THOC5: variants seen among roughly 807,000 people sequenced by gnomAD.
The protein encoded by THOC5 is Fms-interacting protein.
A neutral mutation model predicts 92.9 loss-of-function variants in THOC5; 43 were observed. That is an observed-to-expected ratio of 0.46 (90% CI 0.36 to 0.60). The LOEUF is 0.60. Ranked by LOEUF, THOC5 falls within the 20% of genes least tolerant of loss-of-function variation. The pLI is 0.00. For synonymous variants in THOC5, 296 were observed against 320.1 expected (o/e 0.92, Z 0.80); for missense variants, 659 against 849.4 (o/e 0.78, Z 2.79).
At chr22:29,514,301 A>T in intron 17 of THOC5, among the ~76,000 whole-genome samples, 1 of 151,536 alleles carries the variant, frequency 6.6e-6, no homozygotes, top group Non-Finnish European at 1.5e-5. Flanking sequence ...GATCTGTTGT[A>T]GAATGACTGA....
chr22:29,540,644 C>T (rs2063862295), intron 5 of THOC5, among the ~76,000 whole-genome samples: 1 of 152,134 alleles, frequency 6.6e-6, no homozygotes, highest in Admixed American at 6.6e-5. Flanking sequence ...GATTACAGAC[C>T]AGTGCATCAC....
At chr22:29,524,421 C>A (rs189109377) in intron 12 of THOC5, among the ~76,000 whole-genome samples, 6 of 152,270 alleles carry the variant, frequency 3.9e-5, no homozygotes, top group Non-Finnish European at 7.4e-5. Flanking sequence ...AGCGAGGAAA[C>A]AGATTCTGAG....
At chr22:29,520,166 C>T in intron 13 of THOC5, 62 bp from the exon 14 acceptor site, 5 of 1,431,290 alleles carry the variant, frequency 3.5e-6, no homozygotes, top group East Asian at 2.3e-5. Context: ...TCCCAGGATA[C>T]AGCCTCCTCC....
chr22:29,542,977 G>C, intron 4 of THOC5, 21 bp from the exon 5 acceptor site: 1 of 1,580,452 alleles, frequency 6.3e-7, no homozygotes, highest in Non-Finnish European at 8.7e-7. Context: ...AATACGATCA[G>C]AAGTGAGCAG....
intron 2 of THOC5, chr22:29,545,034 A>T (rs1343879237): frequency 4.7e-6 from 2 of 427,068 alleles, no homozygotes; most frequent in African/African-American, 4.2e-5. Context: ...TGAAACTGGG[A>T]ACAAAAAGAG....
chr22:29,544,695 A>T (rs1416878350), intron 2 of THOC5, 92 bp from the exon 3 acceptor site: 11 of 1,307,358 alleles, frequency 8.4e-6, no homozygotes, highest in Middle Eastern at 2.0e-4. Context: ...CTTTTAGATA[A>T]AAACAGTAAC....
At chr22:29,523,727 G>C (rs1338109831) in intron 12 of THOC5, among the ~76,000 whole-genome samples, 1 of 151,986 alleles carries the variant, frequency 6.6e-6, no homozygotes, top group Non-Finnish European at 1.5e-5. Flanking sequence ...GCAATGTATG[G>C]GCCTTATAGT....
intron 19 of THOC5, among the ~76,000 whole-genome samples, chr22:29,510,059 G>A (rs1417651453): frequency 1.3e-5 from 2 of 152,232 alleles, no homozygotes; most frequent in Non-Finnish European, 2.9e-5. Flanking sequence ...CCTGAGCAGT[G>A]AAATCTGCAG....
At chr22:29,539,284 G>GCACTGA in intron 6 of THOC5, 46 bp downstream of exon 6, 1 of 1,597,314 alleles carries the variant, frequency 6.3e-7, no homozygotes, top group Non-Finnish European at 8.6e-7. Flanking sequence ...TCATGACAAA[G>GCACTGA]CACTGACACT....
Position 29,520,039 on chromosome 22 carries a change from C to G in THOC5, c.1343G>C (p.Gly448Ala), listed in dbSNP as rs769133043. ...GHPYLWVQKLGGLHFPKEQPQ... is the reference protein window; with the variant it reads ...GHPYLWVQKLAGLHFPKEQPQ... Reference sequence around the variant, plus strand: ...CTGCTCTTTGGGGAAGTGGAGGCCACCCAGCTTCTGCACCCACAAATAGGG... The same window carrying G: ...CTGCTCTTTGGGGAAGTGGAGGCCAGCCAGCTTCTGCACCCACAAATAGGG... Residue 448 changes from glycine to alanine, a missense_variant, in exon 14 of 20, where the codon GGT (glycine) becomes GCT (alanine). By Grantham distance (60) the Gly-to-Ala change is moderately conservative (BLOSUM62 0). Transcript: ENST00000490103. 6.2e-7 allele frequency: 1 copy of G among 1,613,810 alleles called. No homozygotes were observed. Among genetic ancestry groups the G allele is most frequent in the South Asian group, 1.1e-5 (1 of 91,062 alleles).
Position 29,517,255 on chromosome 22 carries a change from T to C in THOC5, c.1593+8A>G. On this transcript the variant is annotated splice_region_variant and intron_variant, in intron 16 of 19. Coordinates refer to ENST00000490103, the MANE Select transcript of THOC5 (RefSeq NM_003678.5). ...ACAGTAAGGGTAACTTGTCACTCCT[T>C]CACCTACCATGTAATCCTCATGGGC... 1 of 1,613,610 alleles carries C rather than the reference T, an allele frequency of 6.2e-7. No individual in the cohort carries two copies. The highest frequency in any genetic ancestry group is 8.5e-7 in the Non-Finnish European group (1 of 1,179,570).
At chr22:29,531,277 T>C in intron 8 of THOC5, 1 of 985,328 alleles carries the variant, frequency 1.0e-6, no homozygotes. Flanking sequence ...GGAGAAAATG[T>C]AGGTGCTGGG....
At chr22:29,516,839 G>T (rs2063341789) in intron 17 of THOC5, among the ~76,000 whole-genome samples, 190 bp downstream of exon 17, 2 of 152,224 alleles carry the variant, frequency 1.3e-5, no homozygotes, top group Non-Finnish European at 2.9e-5. Flanking sequence ...TGCAGTGAGG[G>T]TTCAGTGATA....
chr22:29,542,345 CAG>C (rs2063914179), intron 5 of THOC5, among the ~76,000 whole-genome samples: 1 of 152,158 alleles, frequency 6.6e-6, no homozygotes, highest in Admixed American at 6.6e-5. Context: ...TCAAAAAGGT[CAG>C]AGAGACTTCT....
At chr22:29,512,272 C>T in intron 17 of THOC5, 136 bp from the exon 18 acceptor site, 1 of 659,300 alleles carries the variant, frequency 1.5e-6, no homozygotes, top group South Asian at 1.9e-5. Flanking sequence ...TATTCTGGTA[C>T]CAACTGTTCC....
In THOC5 at chr22:29,512,030, G is replaced by A. The variant is rs2063234057; in HGVS notation, c.1788C>T (p.Asp596=). The part of the protein sequence containing the change: ...WKGEKTNSND[D]NIRAMEGEVN... Reference sequence around the variant, plus strand: ...CCCAGCTGGGTCTTACCCGAATGTTGTCATCGTTGCTGTTGGTTTTCTCCC... The same window carrying A: ...CCCAGCTGGGTCTTACCCGAATGTTATCATCGTTGCTGTTGGTTTTCTCCC... Residue 596 remains aspartate, a synonymous_variant, in exon 18 of 20, where the codon GAC becomes GAT. Coordinates refer to ENST00000490103, the MANE Select transcript of THOC5 (RefSeq NM_003678.5). The A allele has an allele frequency of 1.9e-6, 3 of 1,613,968 alleles. No individual in the cohort carries two copies. The highest frequency in any genetic ancestry group is 2.5e-6 in the Non-Finnish European group (3 of 1,179,880).
At chr22:29,529,293 A>G (rs2063606998) in intron 8 of THOC5, 54 bp from the exon 9 acceptor site, 3 of 1,589,482 alleles carry the variant, frequency 1.9e-6, no homozygotes, top group Non-Finnish European at 1.7e-6. Flanking sequence ...GCTGCTAAGC[A>G]GTGTGAGTAG....
chr22:29,524,228 C>A (rs2063499657), intron 12 of THOC5, among the ~76,000 whole-genome samples: 1 of 152,206 alleles, frequency 6.6e-6, no homozygotes, highest in African/African-American at 2.4e-5. Context: ...TACCTGTGAC[C>A]TTGAGGCTAC....
rs774233122 is a variant in THOC5, at chr22:29,525,890, C to T, written c.1123G>A (p.Val375Ile). 2.5e-6 allele frequency: 4 copies of T among 1,613,888 alleles called. No homozygotes were observed. The African/African-American group carries it at 5.3e-5, about 22-fold the overall frequency. The change falls in exon 12 of 20, where the codon GTA (valine) becomes ATA (isoleucine). Residue 375 changes from valine (V) to isoleucine (I), a missense_variant. Coordinates refer to ENST00000490103, the MANE Select transcript of THOC5 (RefSeq NM_003678.5). The part of the protein sequence containing the change: ...YYLMNLNIMT[V>I]KAKVTTAMEL... ...ATGGCAGTTGTCACTTTGGCTTTTA[C>T]TGTCATGATGTTGAGGTTCATGAGG...
Sources: gnomAD v4.1 joint callset for allele counts (sites outside exome capture counted in the v4.1 genomes callset) on GRCh38, gnomAD v4.1.1 for gene constraint, MANE v1.5 for transcripts, NCBI Gene and HGNC (gene_info 2026-07-23, HGNC 2026-07-21) for gene names.